PLEKHM2: variants seen among roughly 807,000 people sequenced by gnomAD.
PLEKHM2 encodes pleckstrin homology domain-containing family M member 2.
A neutral mutation model predicts 116.3 loss-of-function variants in PLEKHM2; 77 were observed. The ratio of observed to expected loss-of-function variants is 0.66; its 90% confidence interval spans 0.55 to 0.80. The LOEUF is 0.80. PLEKHM2 is among the 30% of genes least tolerant of loss of function. The pLI is 0.00. For missense variants in PLEKHM2, 1,183 were observed against 1,354.9 expected (o/e 0.87, Z 1.99); for synonymous variants, 562 against 571.0 (o/e 0.98, Z 0.22).
chr1:15,698,835 C>A (rs145379310), intron 1 of PLEKHM2, among the ~76,000 whole-genome samples: 2 of 152,074 alleles, frequency 1.3e-5, no homozygotes, highest in Non-Finnish European at 2.9e-5. Context: ...AGGTGTGAGC[C>A]GCTGTGCCTG....
At chr1:15,704,715 G>A (rs1018323522) in intron 1 of PLEKHM2, among the ~76,000 whole-genome samples, 36 of 151,970 alleles carry the variant, frequency 2.4e-4, no homozygotes, top group Non-Finnish European at 3.5e-4. Context: ...CCGCCCCTGC[G>A]CCCATGTGCT....
Position 15,728,021 on chromosome 1 carries a change from G to T in PLEKHM2, c.1761-58G>T. Reference sequence around the variant, plus strand: ...CTACCCCCTGGCTCTGGGGTGGGGTGTGGCCTCTCTCACCGCTGCCTGCCT... The same window carrying T: ...CTACCCCCTGGCTCTGGGGTGGGGTTTGGCCTCTCTCACCGCTGCCTGCCT... On this transcript the variant is annotated intron_variant, in intron 9 of 19. Coordinates refer to ENST00000375799, the MANE Select transcript of PLEKHM2 (RefSeq NM_015164.4). The surrounding 1 kb of genome is among the most constrained non-coding windows in gnomAD (Gnocchi z 5.9). The T allele has an allele frequency of 7.0e-7, 1 of 1,425,748 alleles. No homozygotes were observed. Among genetic ancestry groups the T allele is most frequent in the East Asian group, 2.4e-5 (1 of 41,750 alleles). The allele number at this position is 1,425,748 out of a possible 1,614,324, so 88.3% of individuals were successfully genotyped here.
At chr1:15,697,876 T>G (rs1332913581) in intron 1 of PLEKHM2, among the ~76,000 whole-genome samples, 4 of 151,938 alleles carry the variant, frequency 2.6e-5, no homozygotes, top group Non-Finnish European at 5.9e-5. Context: ...TATCTTTCAA[T>G]AGAGCTGCCA....
At chr1:15,724,632 C>A (rs1361218062) in intron 7 of PLEKHM2, among the ~76,000 whole-genome samples, 1 of 152,166 alleles carries the variant, frequency 6.6e-6, no homozygotes, top group Admixed American at 6.5e-5. Context: ...CCCCTTCGCA[C>A]CTTGCTCTCA....
intron 1 of PLEKHM2, among the ~76,000 whole-genome samples, chr1:15,694,078 G>A (rs1298739042): frequency 6.6e-6 from 1 of 152,194 alleles, no homozygotes; most frequent in African/African-American, 2.4e-5. Context: ...TCTTGGCCAG[G>A]TGTGGTGGCT....
chr1:15,725,601 T>A, intron 8 of PLEKHM2, 56 bp downstream of exon 8: 1 of 1,253,502 alleles, frequency 8.0e-7, no homozygotes, highest in Non-Finnish European at 1.1e-6. Context: ...ACCTGTCCAC[T>A]CCCAGCATCA....
chr1:15,697,684 G>A (rs1641025108), intron 1 of PLEKHM2, among the ~76,000 whole-genome samples: 1 of 152,122 alleles, frequency 6.6e-6, no homozygotes, highest in Admixed American at 6.6e-5. Flanking sequence ...TTTTTCTTGA[G>A]ACAGGGTCTC....
chr1:15,730,632 G>T lies in PLEKHM2; in HGVS notation c.2309G>T (p.Gly770Val). The change falls in exon 15 of 20, where the codon GGC (glycine) becomes GTC (valine). Residue 770 changes from glycine (G) to valine (V), a missense_variant. This residue lies in a region of PLEKHM2 where 594 missense variants were observed against 720.1 expected (regional missense o/e 0.82). Transcript: ENST00000375799. ...CCCTGCCACTGCTCACCCCCCGAGG[G>T]CACCATCACCAAAGAAGGCATGCTG... ...PTPCHCSPPEGTITKEGMLHY... is the reference protein window; with the variant it reads ...PTPCHCSPPEVTITKEGMLHY... The T allele has an allele frequency of 6.2e-7, 1 of 1,609,250 alleles. No individual in the cohort carries two copies. The highest frequency in any genetic ancestry group is 8.5e-7 in the Non-Finnish European group (1 of 1,178,164).
At chr1:15,730,506 G>C in intron 14 of PLEKHM2, 26 bp from the exon 15 acceptor site, 1 of 1,511,334 alleles carries the variant, frequency 6.6e-7, no homozygotes, top group Non-Finnish European at 8.9e-7. Flanking sequence ...TACTTGCTTT[G>C]TCCCCCGTGC....
At position 15,731,853 on chromosome 1, in the gene PLEKHM2, T is replaced by G. The variant is rs376016306; in HGVS notation, c.2466-36T>G. 14 of 1,586,160 alleles carry G rather than the reference T, an allele frequency of 8.8e-6. No individual in the cohort carries two copies. In the African/African-American group the frequency reaches 1.3e-4, roughly 15 times the overall value. ...GCTGTCGCCCCGTGCTGCCCTTGCC[T>G]CCTCGCTCCCGTTTCACCCTCCTCC... On this transcript the variant is annotated intron_variant, in intron 16 of 19. Transcript: ENST00000375799.
At chr1:15,725,629 G>T (rs1241979516) in intron 8 of PLEKHM2, 84 bp downstream of exon 8, 3 of 986,306 alleles carry the variant, frequency 3.0e-6, no homozygotes, top group South Asian at 1.5e-5. Flanking sequence ...ATCCAGGGCA[G>T]ACCGGGACAC....
Position 15,725,438 on chromosome 1 carries a change from G to C in PLEKHM2, c.834G>C (p.Glu278Asp). 6.4e-7 allele frequency: 1 copy of C among 1,566,114 alleles called. No homozygotes were observed. The highest frequency in any genetic ancestry group is 8.7e-7 in the Non-Finnish European group (1 of 1,156,066). ...RQNPFNEEPA[E>D]TVSSSDTTPV... Reference sequence around the variant, plus strand: ...ACCCCTTCAACGAGGAGCCGGCAGAGACTGTGTCCTCCTCTGACACCACCC... The same window carrying C: ...ACCCCTTCAACGAGGAGCCGGCAGACACTGTGTCCTCCTCTGACACCACCC... The change falls in exon 8 of 20, where the codon GAG (glutamate) becomes GAC (aspartate). Residue 278 changes from glutamate (E) to aspartate (D), a missense_variant. Physicochemically the swap from Glu to Asp is conservative, Grantham distance 45 (BLOSUM62 2). Coordinates refer to ENST00000375799, the MANE Select transcript of PLEKHM2 (RefSeq NM_015164.4).
intron 1 of PLEKHM2, among the ~76,000 whole-genome samples, chr1:15,696,112 C>A (rs1640990870): frequency 6.6e-6 from 1 of 151,840 alleles, no homozygotes; most frequent in Non-Finnish European, 1.5e-5. Context: ...CCACACCCAC[C>A]CGATGCCTGT....
chr1:15,699,895 G>T (rs771187872), intron 1 of PLEKHM2, among the ~76,000 whole-genome samples: 1 of 151,894 alleles, frequency 6.6e-6, no homozygotes, highest in African/African-American at 2.4e-5. Flanking sequence ...TGGAAGGATT[G>T]CTTGAGCCCA....
At chr1:15,710,432 A>G (rs921303901) in intron 1 of PLEKHM2, among the ~76,000 whole-genome samples, 3 of 151,040 alleles carry the variant, frequency 2.0e-5, no homozygotes, top group African/African-American at 4.9e-5. Flanking sequence ...AGTTCAAGCA[A>G]TTCTCCTGCC....
intron 3 of PLEKHM2, 33 bp from the exon 4 acceptor site, chr1:15,717,860 C>G (rs1346316202): frequency 1.4e-6 from 2 of 1,428,084 alleles, no homozygotes; most frequent in South Asian, 1.2e-5. Context: ...TCTGAGAGGC[C>G]TTCCTGCCGG....
chr1:15,713,288 T>TC (rs1641373083), intron 1 of PLEKHM2, among the ~76,000 whole-genome samples: 1 of 152,130 alleles, frequency 6.6e-6, no homozygotes, highest in African/African-American at 2.4e-5. Context: ...TTCTTTTTTT[T>TC]CTTTTTTTCT....
Position 15,732,530 on chromosome 1 carries a change from G to A in PLEKHM2, c.2805+1G>A. On this transcript the variant is annotated splice_donor_variant, in intron 18 of 19. Coordinates refer to ENST00000375799, the MANE Select transcript of PLEKHM2 (RefSeq NM_015164.4). LOFTEE classifies it high-confidence loss of function. Reference sequence around the variant, plus strand: ...GCCGGGCAAGGAGTACTGCGTCTTGGTGAGCTTTGAGTGGGGGCGGGGCTG... The same window carrying A: ...GCCGGGCAAGGAGTACTGCGTCTTGATGAGCTTTGAGTGGGGGCGGGGCTG... The A allele has an allele frequency of 6.2e-7, 1 of 1,609,622 alleles. No individual in the cohort carries two copies. Among genetic ancestry groups the A allele is most frequent in the Non-Finnish European group, 8.5e-7 (1 of 1,178,170 alleles).
intron 8 of PLEKHM2, chr1:15,725,911 G>A (rs76225972): frequency 8.9e-4 from 240 of 268,556 alleles, no homozygotes; most frequent in African/African-American, 5.1e-3. Flanking sequence ...GCTCTCTAGG[G>A]TCCCTTTTAT....
Sources: gnomAD v4.1 joint callset for allele counts (sites outside exome capture counted in the v4.1 genomes callset) on GRCh38, gnomAD v4.1.1 for gene constraint, gnomAD v4.1.1 regional missense constraint, Gnocchi (gnomAD v3.1) non-coding constraint, MANE v1.5 for transcripts, NCBI Gene and HGNC (gene_info 2026-07-23, HGNC 2026-07-21) for gene names.